COL23A1: variants seen among roughly 807,000 people sequenced by gnomAD.
COL23A1 encodes collagen alpha-1(XXIII) chain.
In COL23A1, 97 loss-of-function variants were observed where a neutral mutation model predicts 99.3. The observed-to-expected ratio is 0.98, with a 90% CI of 0.83 to 1.16. The LOEUF (loss-of-function observed/expected upper bound fraction) is 1.16. Among genes scored for constraint, COL23A1 ranks in the 50% most tolerant of loss-of-function variants. The pLI is 0.00. For missense variants in COL23A1, 762 were observed against 757.4 expected (o/e 1.01, Z -0.07); for synonymous variants, 320 against 308.2 (o/e 1.04, Z -0.40).
At chr5:178,397,614 C>G (rs1204449665) in intron 2 of COL23A1, among the ~76,000 whole-genome samples, 1 of 152,198 alleles carries the variant, frequency 6.6e-6, no homozygotes, top group African/African-American at 2.4e-5. Flanking sequence ...ATAAATGCAC[C>G]TGCTGTTTGA....
chr5:178,523,469 C>T (rs1012032714), intron 2 of COL23A1: 6 of 148,038 alleles, frequency 4.1e-5, no homozygotes, highest in Non-Finnish European at 7.5e-5. Flanking sequence ...AGAGAAACCT[C>T]TATGATGTGC....
rs780012383 is a variant in COL23A1, at chr5:178,261,718, T to G, written c.702+4A>C. On this transcript the variant is annotated splice_donor_region_variant and intron_variant, in intron 11 of 28. Coordinates refer to ENST00000390654, the MANE Select transcript of COL23A1 (RefSeq NM_173465.4). Reference sequence around the variant, plus strand: ...GAGGGGCATGGGGAATAAGGAGTACTCACCTTGGGCCCTGGGGGTCCCTTT... The same window carrying G: ...GAGGGGCATGGGGAATAAGGAGTACGCACCTTGGGCCCTGGGGGTCCCTTT... The G allele has an allele frequency of 6.2e-7, 1 of 1,608,288 alleles. No individual in the cohort carries two copies. Among genetic ancestry groups the G allele is most frequent in the South Asian group, 1.1e-5 (1 of 90,960 alleles).
chr5:178,252,920 C>T (rs1352414591), intron 16 of COL23A1, among the ~76,000 whole-genome samples: 3 of 152,206 alleles, frequency 2.0e-5, no homozygotes, highest in Non-Finnish European at 4.4e-5. Flanking sequence ...TCCCTATTGC[C>T]TCTCAAAGCA....
chr5:178,513,077 G>A (rs1759298987), intron 2 of COL23A1, among the ~76,000 whole-genome samples: 2 of 152,328 alleles, frequency 1.3e-5, no homozygotes, highest in South Asian at 4.1e-4. Flanking sequence ...CAGCATGCAT[G>A]AGAGAGCAGA....
intron 2 of COL23A1, among the ~76,000 whole-genome samples, chr5:178,453,744 C>T (rs1053231809): frequency 1.3e-5 from 2 of 152,102 alleles, no homozygotes; most frequent in Non-Finnish European, 2.9e-5. Flanking sequence ...ACAGGTGAAA[C>T]GACTCGTTCA....
chr5:178,359,703 A>G (rs1226470889), intron 2 of COL23A1, among the ~76,000 whole-genome samples: 1 of 152,212 alleles, frequency 6.6e-6, no homozygotes, highest in Non-Finnish European at 1.5e-5. Flanking sequence ...GCAAATGTTC[A>G]CTTAGTAAAG....
At chr5:178,499,348 C>T (rs1222057900) in intron 2 of COL23A1, among the ~76,000 whole-genome samples, 4 of 152,166 alleles carry the variant, frequency 2.6e-5, no homozygotes, top group African/African-American at 9.7e-5. Flanking sequence ...ATCAGACACA[C>T]GTTGCCCCAC....
At chr5:178,424,274 C>G (rs1170664136) in intron 2 of COL23A1, among the ~76,000 whole-genome samples, 1 of 152,260 alleles carries the variant, frequency 6.6e-6, no homozygotes, top group Non-Finnish European at 1.5e-5. Flanking sequence ...ATGAAGCCTA[C>G]AGGCTATGGA....
intron 2 of COL23A1, among the ~76,000 whole-genome samples, chr5:178,526,301 C>T (rs1760304040): frequency 6.6e-6 from 1 of 152,242 alleles, no homozygotes. Context: ...ACTCTATCCC[C>T]TGACCTGGGG....
intron 2 of COL23A1, among the ~76,000 whole-genome samples, chr5:178,414,871 C>T (rs1332273618): frequency 6.6e-6 from 1 of 152,108 alleles, no homozygotes; most frequent in Non-Finnish European, 1.5e-5. Context: ...TGCTTGAAGG[C>T]AAAGCAAGAC....
intron 20 of COL23A1, 91 bp downstream of exon 20, chr5:178,248,101 G>A: frequency 2.1e-6 from 2 of 948,528 alleles, no homozygotes; most frequent in Non-Finnish European, 3.3e-6. Context: ...GTTTGCTCAG[G>A]CCAGGTGGCC....
Position 178,302,448 on chromosome 5 carries a change from T to G in COL23A1, c.406+4427A>C. ...CCGGAGCACGGCTTCAATCCACCTC[T>G]GTGTGTGCCGGAGCACGGCTTCAAT... On this transcript the variant is annotated intron_variant, in intron 3 of 28. Transcript: ENST00000390654. Among the ~76,000 whole-genome samples the G allele has an allele frequency of 1.6e-5, 2 of 127,842 alleles. 1 individual carries two copies. Among genetic ancestry groups the G allele is most frequent in the Non-Finnish European group, 3.5e-5 (2 of 57,896 alleles). 83.9% of individuals were successfully genotyped at this position (127,842 alleles called of 152,430 possible). A position where few individuals can be genotyped will look rare whatever the true frequency, so the allele number is the denominator to read the frequency against.
At chr5:178,311,605 T>C (rs1758683608) in intron 2 of COL23A1, among the ~76,000 whole-genome samples, 1 of 151,954 alleles carries the variant, frequency 6.6e-6, no homozygotes, top group African/African-American at 2.4e-5. Context: ...TCACCCAGGC[T>C]GGAGTGGCGT....
chr5:178,442,840 C>G (rs1043748118), intron 2 of COL23A1: 4 of 152,316 alleles, frequency 2.6e-5, no homozygotes, highest in Non-Finnish European at 2.9e-5. Flanking sequence ...CTTGGGAACC[C>G]GTGGTCTGTT....
At chr5:178,356,687 G>C (rs544180692) in intron 2 of COL23A1, among the ~76,000 whole-genome samples, 1 of 152,322 alleles carries the variant, frequency 6.6e-6, no homozygotes, top group South Asian at 2.1e-4. Context: ...AGCCATTGCC[G>C]CCGGAGCAGA....
At chr5:178,406,223 A>C (rs1428982886) in intron 2 of COL23A1, among the ~76,000 whole-genome samples, 1 of 152,204 alleles carries the variant, frequency 6.6e-6, no homozygotes, top group East Asian at 1.9e-4. Flanking sequence ...ATAAAAAAAA[A>C]CCTAAGAGTA....
In COL23A1 at chr5:178,346,297, G is replaced by A. The variant is rs575918331; in HGVS notation, c.362-39378C>T. On this transcript the variant is annotated intron_variant, in intron 2 of 28. Coordinates refer to ENST00000390654, the MANE Select transcript of COL23A1 (RefSeq NM_173465.4). ...CGCCCAGGCTGGAGTGCATTGGTGC[G>A]ATCTCGGCTCACTGCAACCTCCACC... 3.9e-5 allele frequency among the ~76,000 whole-genome samples: 6 copies of A among 152,082 alleles called. No homozygotes were observed. The South Asian group carries it at 1.0e-3, about 26-fold the overall frequency.
chr5:178,241,974 G>C (rs1395067163), intron 27 of COL23A1, 68 bp downstream of exon 27: 14 of 1,222,842 alleles, frequency 1.1e-5, no homozygotes, highest in Admixed American at 2.1e-5. Flanking sequence ...CGAGGACAGG[G>C]AAGATGTTGG....
At chr5:178,278,092 G>C (rs1332905682) in intron 5 of COL23A1, among the ~76,000 whole-genome samples, 1 of 152,234 alleles carries the variant, frequency 6.6e-6, no homozygotes, top group Non-Finnish European at 1.5e-5. Flanking sequence ...CAGCTGACGG[G>C]AAGTGTGACC....
Sources: gnomAD v4.1 joint callset for allele counts (sites outside exome capture counted in the v4.1 genomes callset) on GRCh38, gnomAD v4.1.1 for gene constraint, MANE v1.5 for transcripts, NCBI Gene and HGNC (gene_info 2026-07-23, HGNC 2026-07-21) for gene names.